Variants in ARAP2 observed in about 807,000 individuals in gnomAD.
ARAP2 encodes arf-GAP with Rho-GAP domain, ANK repeat and PH domain-containing protein 2.
ARAP2 carries 148 observed loss-of-function variants against 194.5 expected under a neutral mutation model. The observed-to-expected ratio is 0.76, with a 90% CI of 0.67 to 0.87. The LOEUF is 0.87. ARAP2 is among the 40% of genes least tolerant of loss of function. ARAP2 has a pLI of 0.00. For synonymous variants in ARAP2, 695 were observed against 683.5 expected (o/e 1.02, Z -0.26); for missense variants, 2,128 against 1,989.7 (o/e 1.07, Z -1.32).
downstream of ARAP2, chr4:36,065,968 C>T (rs1026108921): frequency 1.3e-5 from 2 of 152,170 alleles, no homozygotes; most frequent in Non-Finnish European, 2.9e-5. Flanking sequence ...ACAATAACAA[C>T]CTTCAACTTC....
intron 27 of ARAP2, among the ~76,000 whole-genome samples, chr4:36,093,039 G>C (rs1714153591): frequency 6.6e-6 from 1 of 152,138 alleles, no homozygotes; most frequent in Non-Finnish European, 1.5e-5. Flanking sequence ...AAAGGAATAA[G>C]ATCATGTCCT....
chr4:36,026,971 G>C (rs1040189509), intron 5 of ARAP2, among the ~76,000 whole-genome samples: 1 of 152,242 alleles, frequency 6.6e-6, no homozygotes, highest in African/African-American at 2.4e-5. Flanking sequence ...GTCAGATCAT[G>C]TCATAATTGT....
intron 28 of ARAP2, among the ~76,000 whole-genome samples, chr4:36,087,712 G>A (rs1712273191): frequency 6.6e-6 from 1 of 152,046 alleles, no homozygotes; most frequent in African/African-American, 2.4e-5. Context: ...TGAACTGTTT[G>A]CATTTCCTTA....
chr4:36,085,347 A>T (rs1274059415), intron 28 of ARAP2, among the ~76,000 whole-genome samples: 1 of 152,006 alleles, frequency 6.6e-6, no homozygotes, highest in African/African-American at 2.4e-5. Flanking sequence ...TTAGGATTTA[A>T]ATCTTTTGTC....
chr4:36,118,154 A>T (rs1171826369), intron 24 of ARAP2, among the ~76,000 whole-genome samples: 1 of 151,376 alleles, frequency 6.6e-6, no homozygotes, highest in Non-Finnish European at 1.5e-5. Context: ...AGAAAAGCTT[A>T]TTTCCAGTTT....
At chr4:36,142,214 C>T (rs1247575186) in intron 19 of ARAP2, among the ~76,000 whole-genome samples, 2 of 151,732 alleles carry the variant, frequency 1.3e-5, no homozygotes, top group East Asian at 1.9e-4. Flanking sequence ...AAACTATCAA[C>T]ATCCAAAATC....
chr4:36,170,820 T>A (rs1232809373), intron 9 of ARAP2, among the ~76,000 whole-genome samples: 4 of 152,126 alleles, frequency 2.6e-5, no homozygotes, highest in African/African-American at 9.7e-5. Flanking sequence ...TTAGTAAGTA[T>A]CTAGTTGTGC....
Position 36,161,470 on chromosome 4 carries a change from T to C in ARAP2, c.2254A>G (p.Ile752Val). The C allele has an allele frequency of 6.2e-7, 1 of 1,613,608 alleles. No individual in the cohort carries two copies. Among genetic ancestry groups the C allele is most frequent in the South Asian group, 1.1e-5 (1 of 91,072 alleles). ...TCAGGTTAAATAGGACTCACCTCGATGAGTTCATTGCTCCAAATGCTAGCA... is the reference window on the plus strand; with the variant it reads ...TCAGGTTAAATAGGACTCACCTCGACGAGTTCATTGCTCCAAATGCTAGCA... The part of the protein sequence containing the change: ...MDASIWSNEL[I>V]ELFIVIGNKR... Residue 752 changes from isoleucine (I) to valine (V), a missense_variant, in exon 12 of 33, where the codon ATC becomes GTC. Transcript: ENST00000303965.
At chr4:36,186,516 G>T (rs376272899) in intron 8 of ARAP2, among the ~76,000 whole-genome samples, 1 of 152,194 alleles carries the variant, frequency 6.6e-6, no homozygotes, top group Admixed American at 6.5e-5. Context: ...CAGCTAAAGC[G>T]GGGGTCCCCA....
At chr4:36,236,022 T>C (rs1358720015) in intron 1 of ARAP2, among the ~76,000 whole-genome samples, 1 of 151,636 alleles carries the variant, frequency 6.6e-6, no homozygotes, top group African/African-American at 2.4e-5. Flanking sequence ...AACCAAAATA[T>C]ACAAACATCA....
At chr4:36,178,180 G>A (rs1324105045) in intron 8 of ARAP2, among the ~76,000 whole-genome samples, 175 bp from the exon 9 acceptor site, 1 of 152,106 alleles carries the variant, frequency 6.6e-6, no homozygotes, top group Non-Finnish European at 1.5e-5. Context: ...GAGGGAAAAG[G>A]AGTAACAATA....
At chr4:36,038,283 C>T (rs74381698) in intron 5 of ARAP2, among the ~76,000 whole-genome samples, 217 of 152,190 alleles carry the variant, frequency 1.4e-3, no homozygotes, top group Non-Finnish European at 2.7e-3. Context: ...AAGGTATATC[C>T]AATTTTAGAT....
At position 36,228,178 on chromosome 4, in the gene ARAP2, G is replaced by A. The variant is rs17421965; in HGVS notation, c.905+404C>T. The stretch of plus-strand genomic sequence containing the variant: ...TACTTGGTGCCAAGCATTGTACCAC[G>A]CAGCAGAGATACAAACATTAAAAAC... On this transcript the variant is annotated intron_variant, in intron 2 of 32. Coordinates refer to ENST00000303965, the MANE Select transcript of ARAP2 (RefSeq NM_015230.4). Among the ~76,000 whole-genome samples, 1,402 of 152,172 alleles carry A rather than the reference G, an allele frequency of 9.2e-3. 16 individuals carry two copies. Among genetic ancestry groups the A allele is most frequent in the Non-Finnish European group, 0.013 (877 of 68,004 alleles).
chr4:36,170,329 C>T lies in ARAP2; in HGVS notation c.1858-3282G>A, dbSNP rs150437324. ...CTTGACCAGGCAATGTGGCTCACAC[C>T]TTAATCCCAACACTTTGGGAGGCCA... On this transcript the variant is annotated intron_variant, in intron 9 of 32. Transcript: ENST00000303965. Among the ~76,000 whole-genome samples the T allele has an allele frequency of 1.3e-4, 20 of 152,268 alleles. No homozygotes were observed. In the East Asian group the frequency reaches 3.7e-3, roughly 28 times the overall value.
chr4:36,027,329 C>A (rs1718092978), intron 5 of ARAP2, among the ~76,000 whole-genome samples: 1 of 151,910 alleles, frequency 6.6e-6, no homozygotes, highest in South Asian at 2.1e-4. Context: ...CTAAATCCAT[C>A]TAAGCCCGTG....
chr4:36,126,976 T>A (rs1724083833), intron 21 of ARAP2, among the ~76,000 whole-genome samples: 1 of 152,038 alleles, frequency 6.6e-6, no homozygotes, highest in Non-Finnish European at 1.5e-5. Flanking sequence ...TAGCTGAGCC[T>A]ACAGGAGCAC....
At chr4:36,128,816 AAAC>A in intron 20 of ARAP2, 71 bp from the exon 21 acceptor site, 7 of 1,239,976 alleles carry the variant, frequency 5.6e-6, no homozygotes, top group Non-Finnish European at 7.9e-6. Flanking sequence ...TTTAAAAACA[AAAC>A]AAATGTTTGT....
chr4:36,212,438 C>T lies in ARAP2; in HGVS notation c.1091G>A (p.Gly364Glu), dbSNP rs148305769. 8.0e-4 allele frequency: 1,285 copies of T among 1,612,224 alleles called. 12 individuals carry two copies. In the African/African-American group the frequency reaches 0.015, roughly 19 times the overall value. The change falls in exon 5 of 33, where the codon GGG becomes GAG. Residue 364 changes from glycine (G) to glutamate (E), a missense_variant. Physicochemically the swap from Gly to Glu is moderately conservative, Grantham distance 98 (BLOSUM62 -2). Coordinates refer to ENST00000303965, the MANE Select transcript of ARAP2 (RefSeq NM_015230.4). Reference protein sequence around the residue: ...EFLTQGEALKGEAATATNSFI... With the variant: ...EFLTQGEALKEEAATATNSFI... ...AGAGTTTGTTGCAGTAGCTGCTTCC[C>T]CTTTGAGTGCTTCTCCCTGGGTCAA...
intron 7 of ARAP2, among the ~76,000 whole-genome samples, chr4:36,191,469 CTA>C (rs1560629520): frequency 6.6e-6 from 1 of 150,376 alleles, no homozygotes. Context: ...AAGCAAAATA[CTA>C]TGTCACTAAA....
Sources: gnomAD v4.1 joint callset for allele counts (sites outside exome capture counted in the v4.1 genomes callset) on GRCh38, gnomAD v4.1.1 for gene constraint, MANE v1.5 for transcripts, NCBI Gene and HGNC (gene_info 2026-07-23, HGNC 2026-07-21) for gene names.